The following PSD3 variants were observed in gnomAD, a reference collection of about 807,000 sequenced individuals.
PSD3 encodes pleckstrin and Sec7 domain containing 3.
In PSD3, 49 loss-of-function variants were observed where a neutral mutation model predicts 105.5. The observed-to-expected ratio is 0.46, with a 90% CI of 0.37 to 0.59. The LOEUF is 0.59. Among genes scored for constraint, PSD3 ranks in the 20% least tolerant of loss-of-function variants. PSD3 has a pLI of 0.00. For missense variants in PSD3, 1,561 were observed against 1,263.8 expected, an observed-to-expected ratio of 1.24 and a Z score of -3.57; for synonymous variants, 557 against 457.8, an observed-to-expected ratio of 1.22 and a Z score of -2.77.
chr8:18,615,814 C>G (rs1390942442), intron 11 of PSD3, among the ~76,000 whole-genome samples: 1 of 152,172 alleles, frequency 6.6e-6, no homozygotes, highest in Non-Finnish European at 1.5e-5. Context: ...CTGAAGCACC[C>G]CAGAAGCCAG....
intron 9 of PSD3, among the ~76,000 whole-genome samples, chr8:18,704,976 C>T (rs1358554020): frequency 6.6e-6 from 1 of 151,780 alleles, no homozygotes; most frequent in African/African-American, 2.4e-5. Context: ...TTTCCATAAA[C>T]ATAAGAAAAA....
intron 2 of PSD3, among the ~76,000 whole-genome samples, chr8:18,904,887 G>A (rs1819739672): frequency 6.6e-6 from 1 of 152,160 alleles, no homozygotes; most frequent in Admixed American, 6.5e-5. Flanking sequence ...TAGCCCAAGG[G>A]CCATAGTTTG....
At chr8:18,693,968 G>C (rs1388521496) in intron 9 of PSD3, among the ~76,000 whole-genome samples, 2 of 152,176 alleles carry the variant, frequency 1.3e-5, no homozygotes, top group Admixed American at 6.5e-5. Flanking sequence ...GGTAAGTAGT[G>C]ATGATGGGTA....
At chr8:19,068,851 G>C (rs970592102) in intron 1 of PSD3, among the ~76,000 whole-genome samples, 1 of 151,878 alleles carries the variant, frequency 6.6e-6, no homozygotes, top group Admixed American at 6.5e-5. Flanking sequence ...GGCTCTGACT[G>C]TGTGAAAAAT....
chr8:18,770,085 A>G (rs995075724), intron 8 of PSD3, among the ~76,000 whole-genome samples: 2 of 152,194 alleles, frequency 1.3e-5, no homozygotes, highest in Non-Finnish European at 2.9e-5. Flanking sequence ...ACCATTTCAC[A>G]TTCCCACAAG....
intron 1 of PSD3, among the ~76,000 whole-genome samples, chr8:18,987,729 G>A (rs187982974): frequency 2.6e-5 from 4 of 151,982 alleles, no homozygotes; most frequent in Non-Finnish European, 5.9e-5. Context: ...TGAGGTGAGA[G>A]AATCACCTGA....
At chr8:18,964,118 GT>G (rs199963068) in intron 1 of PSD3, among the ~76,000 whole-genome samples, 1 of 151,822 alleles carries the variant, frequency 6.6e-6, no homozygotes, top group Admixed American at 6.6e-5. Flanking sequence ...AATAACTCGG[GT>G]TTTTTTTGTT....
chr8:19,047,834 G>A (rs1272383878), intron 1 of PSD3, among the ~76,000 whole-genome samples: 2 of 152,284 alleles, frequency 1.3e-5, no homozygotes, highest in Middle Eastern at 3.4e-3. Context: ...CACACTGCAC[G>A]GGAGCCTGTT....
intron 9 of PSD3, among the ~76,000 whole-genome samples, chr8:18,694,693 A>G (rs1283232508): frequency 6.6e-6 from 1 of 151,928 alleles, no homozygotes; most frequent in Non-Finnish European, 1.5e-5. Flanking sequence ...TTATTCTGAT[A>G]GGCTGGGTGC....
intron 9 of PSD3, among the ~76,000 whole-genome samples, chr8:18,760,534 C>T (rs1466778834): frequency 3.3e-5 from 5 of 152,156 alleles, no homozygotes; most frequent in Admixed American, 6.6e-5. Context: ...TTTAGTGAAA[C>T]GTCCTCCAGA....
rs187767306 is a variant in PSD3, at chr8:18,601,509, T to G, written c.2411-1075A>C. On this transcript the variant is annotated intron_variant, in intron 11 of 15. Coordinates refer to ENST00000327040, the MANE Select transcript of PSD3 (RefSeq NM_015310.4). ...ACTGAATACTCAAGAATTCTTAGAC[T>G]TGGAACTAGGTGAATAGCCACTTAC... 1.4e-4 allele frequency among the ~76,000 whole-genome samples: 21 copies of G among 152,256 alleles called. 1 individual carries two copies. Among genetic ancestry groups the G allele is most frequent in the Admixed American group, 1.4e-3 (21 of 15,292 alleles).
intron 9 of PSD3, among the ~76,000 whole-genome samples, chr8:18,752,503 TA>T (rs1158658219): frequency 4.0e-5 from 3 of 75,512 alleles, no homozygotes; most frequent in East Asian, 3.7e-4. Context: ...ATATATATAA[TA>T]TATATAATAT....
chr8:18,724,071 T>C (rs962139377), intron 9 of PSD3, among the ~76,000 whole-genome samples: 5 of 152,128 alleles, frequency 3.3e-5, no homozygotes, highest in African/African-American at 9.7e-5. Context: ...TTAATGATAA[T>C]AGACATAAGA....
chr8:18,975,687 T>TA (rs1330061638), intron 1 of PSD3, among the ~76,000 whole-genome samples: 1 of 152,244 alleles, frequency 6.6e-6, no homozygotes, highest in Admixed American at 6.5e-5. Context: ...ATTCCACTGT[T>TA]AGATAACTGA....
intron 1 of PSD3, among the ~76,000 whole-genome samples, chr8:19,053,619 G>C (rs550958156): frequency 1.2e-4 from 18 of 151,894 alleles, no homozygotes; most frequent in Non-Finnish European, 1.9e-4. Flanking sequence ...AGGAAACCCC[G>C]TCTCTACTAA....
chr8:19,027,442 T>C (rs983038794), intron 1 of PSD3, among the ~76,000 whole-genome samples: 8 of 152,222 alleles, frequency 5.3e-5, no homozygotes, highest in Non-Finnish European at 8.8e-5. Flanking sequence ...ATCAGCTTTA[T>C]TGAAATATAA....
rs1437853355 is a variant in PSD3, at chr8:18,801,376, G to A, written c.1917C>T (p.Phe639=). ...GMTLDQSLRY[F]FKAFSLVGET... is the part of the protein sequence containing the mutation. Reference sequence around the variant, plus strand: ...CTCCCACAAGAGAGAATGCTTTAAAGAAATACCTACAAGAGAATTAAAAAT... The same window carrying A: ...CTCCCACAAGAGAGAATGCTTTAAAAAAATACCTACAAGAGAATTAAAAAT... The change falls in exon 7 of 16, where the codon TTC becomes TTT. Residue 639 remains phenylalanine, a synonymous_variant. Transcript: ENST00000327040. The A allele has an allele frequency of 1.3e-6, 2 of 1,576,276 alleles. No homozygotes were observed. The highest frequency in any genetic ancestry group is 4.5e-5 in the East Asian group (2 of 44,414).
intron 12 of PSD3, among the ~76,000 whole-genome samples, chr8:18,582,773 G>A (rs1296683048): frequency 6.7e-6 from 1 of 148,940 alleles, no homozygotes; most frequent in Non-Finnish European, 1.5e-5. Flanking sequence ...GTCTTTGATA[G>A]AACCTGTTTC....
At chr8:19,020,329 A>G (rs1158807712) in intron 1 of PSD3, among the ~76,000 whole-genome samples, 1 of 152,132 alleles carries the variant, frequency 6.6e-6, no homozygotes, top group African/African-American at 2.4e-5. Context: ...TTGAGAGAAG[A>G]CTTCACTGAG....
Sources: gnomAD v4.1 joint callset for allele counts (sites outside exome capture counted in the v4.1 genomes callset) on GRCh38, gnomAD v4.1.1 for gene constraint, MANE v1.5 for transcripts, NCBI Gene and HGNC (gene_info 2026-07-23, HGNC 2026-07-21) for gene names.